SLCO4A1: variants seen among roughly 807,000 people sequenced by gnomAD.
SLCO4A1 encodes solute carrier organic anion transporter family member 4A1.
Under a neutral mutation model 64.6 loss-of-function variants are expected in SLCO4A1, and 51 were observed. The observed-to-expected ratio is 0.79, with a 90% CI of 0.63 to 1.00. The LOEUF (loss-of-function observed/expected upper bound fraction) is 1.00. Among genes scored for constraint, SLCO4A1 ranks in the 50% least tolerant of loss-of-function variants. The pLI, the probability that SLCO4A1 is intolerant of heterozygous loss-of-function variation, is 0.00. For missense variants in SLCO4A1, 919 were observed against 980.5 expected (o/e 0.94, Z 0.84); for synonymous variants, 471 against 444.9 (o/e 1.06, Z -0.74).
At chr20:62,676,508 C>G (rs1341884912), downstream of SLCO4A1, among the ~76,000 whole-genome samples, 4 of 152,202 alleles carry the variant, frequency 2.6e-5, no homozygotes, top group Admixed American at 6.5e-5. Flanking sequence ...TTTATTTCAT[C>G]ACAAAAGACA....
In SLCO4A1 at chr20:62,664,563, C is replaced by T. The variant is rs141699398; in HGVS notation, c.1122-371C>T. Among the ~76,000 whole-genome samples, 987 of 152,318 alleles carry T rather than the reference C, an allele frequency of 6.5e-3. 10 individuals are homozygous for T. Among genetic ancestry groups the T allele is most frequent in the African/African-American group, 0.022 (921 of 41,556 alleles). On this transcript the variant is annotated intron_variant, in intron 5 of 11. Coordinates refer to ENST00000217159, the MANE Select transcript of SLCO4A1 (RefSeq NM_016354.4). ...GGGTCTCTCCCCACCTGAGCTGAAG[C>T]TCTGGCCAAGGCACTGATAAGGTTT...
chr20:62,684,192 C>T (rs1404782317), intron 2 of SLCO4A1, among the ~76,000 whole-genome samples: 3 of 152,238 alleles, frequency 2.0e-5, no homozygotes. Context: ...GGTCCAGGGG[C>T]ATGTGGCAGC....
At chr20:62,643,625 G>A (rs1289174091) in intron 1 of SLCO4A1, among the ~76,000 whole-genome samples, 2 of 152,224 alleles carry the variant, frequency 1.3e-5, no homozygotes, top group Non-Finnish European at 2.9e-5. Flanking sequence ...TGTGGTTTTT[G>A]GAACTTGGGT....
chr20:62,667,258 G>A (rs1187771640), intron 7 of SLCO4A1, among the ~76,000 whole-genome samples: 5 of 152,230 alleles, frequency 3.3e-5, no homozygotes, highest in Non-Finnish European at 5.9e-5. Context: ...GACAATGGGC[G>A]CAGTGTGCTC....
chr20:62,658,291 C>T (rs185894068), intron 2 of SLCO4A1, among the ~76,000 whole-genome samples: 4 of 152,376 alleles, frequency 2.6e-5, no homozygotes, highest in South Asian at 2.1e-4. Flanking sequence ...TTCCAAATCC[C>T]GGCCTGTGGG....
Position 62,661,395 on chromosome 20 carries a change from G to GTGGGGCCGGGGCC in SLCO4A1, c.1121+222_1121+234dup, listed in dbSNP as rs1984818699. Reference sequence around the variant, plus strand: ...TGCAGAGCCGTGGGAGAGTCCCAGAGTGGGGCCGGGGCCTCGGCCCGCACC... The same window carrying GTGGGGCCGGGGCC: ...TGCAGAGCCGTGGGAGAGTCCCAGAGTGGGGCCGGGGCCTGGGGCCGGGGCCTCGGCCCGCACC... On this transcript the variant is annotated intron_variant, in intron 5 of 11. Transcript: ENST00000217159. This position sits in a 1 kb window ranked among gnomAD's most constrained non-coding sequence, Gnocchi z 5.2. Among the ~76,000 whole-genome samples, 1 of 152,126 alleles carries GTGGGGCCGGGGCC rather than the reference G, an allele frequency of 6.6e-6. No individual in the cohort carries two copies. Among genetic ancestry groups the GTGGGGCCGGGGCC allele is most frequent in the Non-Finnish European group, 1.5e-5 (1 of 67,990 alleles).
intron 5 of SLCO4A1, 148 bp from the exon 6 acceptor site, chr20:62,664,786 C>G: frequency 1.0e-6 from 1 of 960,866 alleles, no homozygotes. Flanking sequence ...TTCCTCCCAC[C>G]CTGGGTCTGG....
In SLCO4A1 at chr20:62,656,728, G is replaced by C. The variant is rs756108073; in HGVS notation, c.274G>C (p.Ala92Pro). ...CGTGGCGTGCGGCTGGTGGGCCTTC[G>C]CACCGCCGTGCCTGCAGGTCCTCAA... ...QSVACGWWAF[A>P]PPCLQVLNTP... The change falls in exon 2 of 12, where the codon GCA (alanine) becomes CCA (proline). Residue 92 changes from alanine (A) to proline (P), a missense_variant. Coordinates refer to ENST00000217159, the MANE Select transcript of SLCO4A1 (RefSeq NM_016354.4). 9 of 1,611,138 alleles carry C rather than the reference G, an allele frequency of 5.6e-6. No individual in the cohort carries two copies. The highest frequency in any genetic ancestry group is 2.7e-5 in the African/African-American group (2 of 74,904).
chr20:62,657,239 C>T lies in SLCO4A1; in HGVS notation c.785C>T (p.Pro262Leu), dbSNP rs764930735. 1 of 1,530,696 alleles carries T rather than the reference C, an allele frequency of 6.5e-7. No individual in the cohort carries two copies. Among genetic ancestry groups the T allele is most frequent in the Non-Finnish European group, 8.8e-7 (1 of 1,132,906 alleles). The allele number at this position is 1,530,696 out of a possible 1,614,324, so 94.8% of individuals were successfully genotyped here. ...LDENVKSSCS[P>L]VYIAIFYTAA... Reference sequence around the variant, plus strand: ...GAGAACGTCAAGTCCAGCTGCTCGCCCGTCTACATTGGTGAGTGGGGCTGG... The same window carrying T: ...GAGAACGTCAAGTCCAGCTGCTCGCTCGTCTACATTGGTGAGTGGGGCTGG... The change falls in exon 2 of 12, where the codon CCC (proline) becomes CTC (leucine). Residue 262 changes from proline (P) to leucine (L), a missense_variant. Coordinates refer to ENST00000217159, the MANE Select transcript of SLCO4A1 (RefSeq NM_016354.4).
Position 62,658,667 on chromosome 20 carries a change from T to G in SLCO4A1, c.797-10T>G. On this transcript the variant is annotated splice_polypyrimidine_tract_variant and intron_variant, in intron 2 of 11. Transcript: ENST00000217159. ...GCACAGCGGCCCTGACGCCTCTGCCTCTCTCGCAGCCATCTTCTACACAGC... is the reference window on the plus strand; with the variant it reads ...GCACAGCGGCCCTGACGCCTCTGCCGCTCTCGCAGCCATCTTCTACACAGC... The G allele has an allele frequency of 6.2e-7, 1 of 1,606,710 alleles. No homozygotes were observed. Among genetic ancestry groups the G allele is most frequent in the Non-Finnish European group, 8.5e-7 (1 of 1,177,116 alleles).
chr20:62,665,670 CTCCCTCCCCCA>C (rs1247031963), intron 6 of SLCO4A1, among the ~76,000 whole-genome samples: 4 of 152,278 alleles, frequency 2.6e-5, no homozygotes, highest in Admixed American at 6.5e-5. Flanking sequence ...GAGGGCTCCC[CTCCCTCCCCCA>C]CAGGCCCATC....
At position 62,660,956 on chromosome 20, in the gene SLCO4A1, G is replaced by A. The variant is rs574245207; in HGVS notation, c.1010-108G>A. 2.8e-3 allele frequency: 2,169 copies of A among 763,286 alleles called. 10 individuals carry two copies. The highest frequency in any genetic ancestry group is 3.8e-3 in the Non-Finnish European group (1,795 of 466,652). 47.3% of individuals were successfully genotyped at this position (763,286 alleles called of 1,614,324 possible). A position where few individuals can be genotyped will look rare whatever the true frequency, so the allele number is the denominator to read the frequency against. On this transcript the variant is annotated intron_variant, in intron 4 of 11. Transcript: ENST00000217159. ...GGCTGCAGGGATGTCAGACAGTGAC[G>A]TTCCCAGACCGGGGAGGGGCAGAGG...
At chr20:62,687,417 C>T (rs1988102981), downstream of SLCO4A1, among the ~76,000 whole-genome samples, 2 of 152,254 alleles carry the variant, frequency 1.3e-5, no homozygotes, top group African/African-American at 2.4e-5. Flanking sequence ...GCCAAGGAGG[C>T]GGAAGAAACC....
chr20:62,686,447 C>A (rs980931278), downstream of SLCO4A1, among the ~76,000 whole-genome samples: 2 of 152,122 alleles, frequency 1.3e-5, no homozygotes, highest in Admixed American at 6.5e-5. Context: ...CCACCAAGGG[C>A]CGGGGACAGA....
chr20:62,668,267 G>A (rs774104347), intron 9 of SLCO4A1, 83 bp downstream of exon 9: 4 of 1,514,916 alleles, frequency 2.6e-6, no homozygotes, highest in African/African-American at 2.7e-5. Flanking sequence ...TGAGACAGGA[G>A]CACTCCAGGA....
At chr20:62,686,131 G>C (rs1207725455), downstream of SLCO4A1, among the ~76,000 whole-genome samples, 1 of 152,194 alleles carries the variant, frequency 6.6e-6, no homozygotes, top group African/African-American at 2.4e-5. Flanking sequence ...TGTACCTGGG[G>C]AGTGCAGCCG....
In SLCO4A1 at chr20:62,667,745, C is replaced by T. The variant is rs1004898525; in HGVS notation, c.1473C>T (p.Ser491=). The change falls in exon 8 of 12, where the codon AGC becomes AGT. Residue 491 remains serine, a splice_region_variant and synonymous_variant. Transcript: ENST00000217159. The part of the protein sequence containing the change: ...MAGVTASYGG[S]LLPEGHLNLT... Reference sequence around the variant, plus strand: ...CCACTCGCTTGTCCCCCCTCTGCAGCCTCCTGCCCGAAGGCCACCTGAACC... The same window carrying T: ...CCACTCGCTTGTCCCCCCTCTGCAGTCTCCTGCCCGAAGGCCACCTGAACC... 11 of 1,605,780 alleles carry T rather than the reference C, an allele frequency of 6.9e-6. No individual in the cohort carries two copies. The highest frequency in any genetic ancestry group is 5.0e-5 in the Admixed American group (3 of 59,888).
At chr20:62,662,660 T>C (rs1048300073) in intron 5 of SLCO4A1, among the ~76,000 whole-genome samples, 1 of 152,156 alleles carries the variant, frequency 6.6e-6, no homozygotes, top group Non-Finnish European at 1.5e-5. Context: ...CAGGGCCTCC[T>C]AACGCAGCCA....
In SLCO4A1 at chr20:62,669,070, C is replaced by T. The variant is rs979469116; in HGVS notation, c.2017C>T (p.Leu673=). The part of the protein sequence containing the change: ...MSRYILIMGL[L]YKVLGVLFFA... ...CCGCTACATACTCATCATGGGGCTCCTGTACAAGGTAAGCAGGCCCAGGGA... is the reference window on the plus strand; with the variant it reads ...CCGCTACATACTCATCATGGGGCTCTTGTACAAGGTAAGCAGGCCCAGGGA... Residue 673 remains leucine (L), a synonymous_variant, in exon 11 of 12, where the codon CTG becomes TTG. Transcript: ENST00000217159. The T allele has an allele frequency of 3.7e-6, 6 of 1,610,064 alleles. No homozygotes were observed. The African/African-American group carries it at 6.7e-5, about 18-fold the overall frequency.
Sources: allele counts gnomAD v4.1 joint callset (sites outside exome capture counted in the v4.1 genomes callset), GRCh38; gene constraint gnomAD v4.1.1; non-coding constraint Gnocchi (gnomAD v3.1); transcripts MANE v1.5; gene names NCBI Gene and HGNC (gene_info 2026-07-23, HGNC 2026-07-21).